NBPF20: variants seen among roughly 807,000 people sequenced by gnomAD.
NBPF20 encodes NBPF member 20.
In NBPF20, 90 loss-of-function variants were observed where a neutral mutation model predicts 68.1. The observed-to-expected ratio is 1.32, with a 90% CI of 1.11 to 1.58. The LOEUF (loss-of-function observed/expected upper bound fraction) is 1.58. Ranked by LOEUF, NBPF20 falls within the 40% of genes most tolerant of loss-of-function variation. The pLI is 0.00. For synonymous variants in NBPF20, 290 were observed against 228.1 expected, an observed-to-expected ratio of 1.27 and a Z score of -2.45; for missense variants, 816 against 601.2, an observed-to-expected ratio of 1.36 and a Z score of -3.74.
chr1:145,407,551 CATAAT>C (rs1374251810), upstream of NBPF20, among the ~76,000 whole-genome samples: 3 of 145,994 alleles, frequency 2.1e-5, no homozygotes, highest in South Asian at 2.1e-4. Context: ...CGTGTATATA[CATAAT>C]ATACTATATA....
chr1:145,295,229 G>A (rs1661275805), intron 133 of NBPF20: 1 of 583,264 alleles, frequency 1.7e-6, no homozygotes, highest in Non-Finnish European at 2.9e-6. Context: ...CACTGATGAA[G>A]GGGTCAAAGG....
chr1:145,400,248 G>C, intron 6 of NBPF20, 141 bp downstream of exon 11: 8 of 1,557,310 alleles, frequency 5.1e-6, no homozygotes, highest in African/African-American at 1.4e-5. Flanking sequence ...AGCTGAGAAG[G>C]ACAAAAAAAG....
chr1:145,334,924 G>A (rs1198396251), intron 83 of NBPF20, among the ~76,000 whole-genome samples: 3 of 128,300 alleles, frequency 2.3e-5, no homozygotes, highest in South Asian at 5.5e-4. Context: ...GACACTCTGA[G>A]TTAGTGCCCT....
At chr1:145,402,822 G>A (rs1662588207) in intron 3 of NBPF20, among the ~76,000 whole-genome samples, 1 of 150,504 alleles carries the variant, frequency 6.6e-6, no homozygotes, top group South Asian at 2.2e-4. Flanking sequence ...GGGTCGAGAA[G>A]GCAACATTGA....
chr1:145,292,427 T>A (rs782379038), exon 137 of NBPF20: 9 of 699,626 alleles, frequency 1.3e-5, no homozygotes, highest in Admixed American at 4.3e-5. Context: ...TTTCTTCCCC[T>A]TCTTCTTTTC....
intron 83 of NBPF20, among the ~76,000 whole-genome samples, chr1:145,334,885 C>T (rs1463893641): frequency 5.1e-5 from 7 of 136,448 alleles, no homozygotes; most frequent in Admixed American, 2.2e-4. Context: ...GCGAGTTGGC[C>T]GGGTGACACA....
At chr1:145,393,769 A>C in intron 9 of NBPF20, 115 bp downstream of exon 14, 1 of 1,493,450 alleles carries the variant, frequency 6.7e-7, no homozygotes, top group Non-Finnish European at 9.2e-7. Flanking sequence ...AGTAGGCATA[A>C]TTCAGACTTG....
At chr1:145,405,415 T>C (rs1662733373) in exon 1 of NBPF20, 2 of 1,571,292 alleles carry the variant, frequency 1.3e-6, no homozygotes, top group East Asian at 4.5e-5. Flanking sequence ...CTTACTGTTG[T>C]GAAAAATGTG....
chr1:145,422,748 G>GGAGGCC, the NBPF20 span, among the ~76,000 whole-genome samples: 1 of 152,204 alleles, frequency 6.6e-6, no homozygotes. Flanking sequence ...CCACACTCTG[G>GGAGGCC]GAGGCTTAAG....
At chr1:145,290,165 T>A (rs1378491094) in exon 138 of NBPF20, 2 of 147,790 alleles carry the variant, frequency 1.4e-5, no homozygotes, top group Non-Finnish European at 3.0e-5. Context: ...GAGATATGAA[T>A]ATAATAATAG....
chr1:145,421,942 G>A, the NBPF20 span, among the ~76,000 whole-genome samples: 1 of 152,050 alleles, frequency 6.6e-6, no homozygotes, highest in South Asian at 2.1e-4. Context: ...GGAAGCTGAG[G>A]TGGGCAGACT....
chr1:145,395,110 G>C, exon 8 of NBPF20: 2 of 1,593,534 alleles, frequency 1.3e-6, no homozygotes, highest in Non-Finnish European at 1.7e-6. Flanking sequence ...GACTCCTGGG[G>C]GACTTCCTCC....
chr1:145,403,144 T>G, intron 3 of NBPF20, 72 bp downstream of exon 8: 1 of 1,579,078 alleles, frequency 6.3e-7, no homozygotes, highest in Non-Finnish European at 8.7e-7. Context: ...CTCTTACGTC[T>G]CCCCACCGAG....
chr1:145,393,376 A>T (rs1662012911), intron 9 of NBPF20, 130 bp from the exon 15 acceptor site: 1 of 712,220 alleles, frequency 1.4e-6, no homozygotes, highest in East Asian at 2.7e-5. Context: ...TGAGGTAAGA[A>T]ATTATTGCCT....
chr1:145,397,461 C>G (rs1553664198), intron 7 of NBPF20, among the ~76,000 whole-genome samples: 2 of 152,200 alleles, frequency 1.3e-5, no homozygotes, highest in Non-Finnish European at 2.9e-5. Context: ...ATTTTCAACC[C>G]AGAATTTCAT....
intron 6 of NBPF20, 83 bp downstream of exon 11, chr1:145,400,306 A>C: frequency 6.3e-7 from 1 of 1,597,678 alleles, no homozygotes; most frequent in Non-Finnish European, 8.5e-7. Context: ...ATTCAAATGA[A>C]TTTGTGTTTA....
In NBPF20 at chr1:145,292,575, C is replaced by A. The variant is rs1553658378; in HGVS notation, c.16589-86G>T. ...CCACTGTCTAATCCTCACACAGGGA[C>A]CTCAGGCTCCCCAGCATAAGAATAG... On this transcript the variant is annotated intron_variant, in intron 136 of 137. Transcript: ENST00000369373. 40 of 740,818 alleles carry A rather than the reference C, an allele frequency of 5.4e-5. 1 individual carries two copies. Among genetic ancestry groups the A allele is most frequent in the Non-Finnish European group, 2.7e-5 (11 of 412,540 alleles). 45.9% of individuals were successfully genotyped at this position (740,818 alleles called of 1,614,324 possible). A position where few individuals can be genotyped will look rare whatever the true frequency, so the allele number is the denominator to read the frequency against.
intron 6 of NBPF20, among the ~76,000 whole-genome samples, chr1:145,399,678 G>A (rs1449262735): frequency 7.6e-6 from 1 of 132,282 alleles, no homozygotes; most frequent in East Asian, 2.1e-4. Flanking sequence ...TCAGGAGGCT[G>A]AGGCAGGAGA....
chr1:145,421,352 C>T, the NBPF20 span, among the ~76,000 whole-genome samples: 1,090 of 152,074 alleles, frequency 7.2e-3, 14 homozygotes, highest in African/African-American at 0.025. Context: ...ACAAAAGCCC[C>T]AAAATCTTAG....
Sources: gnomAD v4.1 joint callset for allele counts (sites outside exome capture counted in the v4.1 genomes callset) on GRCh38, gnomAD v4.1.1 for gene constraint, MANE v1.5 for transcripts, NCBI Gene and HGNC (gene_info 2026-07-23, HGNC 2026-07-21) for gene names.